Variants in RALGPS1 observed in about 807,000 individuals in gnomAD.
The protein encoded by RALGPS1 is ras-specific guanine nucleotide-releasing factor RalGPS1.
In RALGPS1, 19 loss-of-function variants were observed where a neutral mutation model predicts 78.8. The observed-to-expected ratio is 0.24, with a 90% confidence interval of 0.17 to 0.35. The LOEUF is 0.35. Among genes scored for constraint, RALGPS1 ranks in the 10% least tolerant of loss-of-function variants. The pLI, the probability that RALGPS1 is intolerant of heterozygous loss-of-function variation, is 1.00. For synonymous variants in RALGPS1, 228 were observed against 256.3 expected, an observed-to-expected ratio of 0.89 and a Z score of 1.06; for missense variants, 454 against 688.3, an observed-to-expected ratio of 0.66 and a Z score of 3.81.
chr9:127,054,415 T>C (rs181300586), intron 7 of RALGPS1, among the ~76,000 whole-genome samples: 10 of 152,256 alleles, frequency 6.6e-5, no homozygotes, highest in Admixed American at 5.2e-4. Context: ...CTCTCAACAA[T>C]CCCTATAAGC....
At chr9:126,957,054 T>A (rs1413819566) in intron 1 of RALGPS1, among the ~76,000 whole-genome samples, 1 of 152,208 alleles carries the variant, frequency 6.6e-6, no homozygotes. Flanking sequence ...TTCCCTGAAG[T>A]CTGTAGTCTT....
At chr9:127,046,616 A>G (rs1341970326) in intron 5 of RALGPS1, among the ~76,000 whole-genome samples, 2 of 151,092 alleles carry the variant, frequency 1.3e-5, no homozygotes, top group East Asian at 1.9e-4. Context: ...AAGAGCTTTT[A>G]TCAATCAATA....
intron 8 of RALGPS1, among the ~76,000 whole-genome samples, chr9:127,072,625 CAT>C (rs1343502407): frequency 5.9e-5 from 9 of 152,128 alleles, no homozygotes; most frequent in African/African-American, 2.2e-4. Context: ...GGTTTTTATA[CAT>C]GTTTCATGGT....
chr9:127,111,658 C>G (rs1722223660), intron 8 of RALGPS1, among the ~76,000 whole-genome samples: 1 of 152,202 alleles, frequency 6.6e-6, no homozygotes, highest in South Asian at 2.1e-4. Context: ...TGACCCTGGA[C>G]TAAACATTTT....
In RALGPS1 at chr9:127,069,274, C is replaced by T. The variant is rs1387389221; in HGVS notation, c.528C>T (p.Tyr176=). ...KDKTTFEKLD[Y]LMSKEDNYKR... ...AGACTACCTTTGAGAAATTGGACTACCTGATGTCGAAAGAAGATAATTACA... is the reference window on the plus strand; with the variant it reads ...AGACTACCTTTGAGAAATTGGACTATCTGATGTCGAAAGAAGATAATTACA... Residue 176 remains tyrosine, a synonymous_variant, in exon 8 of 19, where the codon TAC becomes TAT. Transcript: ENST00000259351. The T allele has an allele frequency of 1.2e-6, 2 of 1,612,770 alleles. No individual in the cohort carries two copies. Among genetic ancestry groups the T allele is most frequent in the Middle Eastern group, 1.7e-4 (1 of 6,060 alleles).
At chr9:127,167,810 C>T (rs1019936151) in intron 9 of RALGPS1, among the ~76,000 whole-genome samples, 1 of 152,212 alleles carries the variant, frequency 6.6e-6, no homozygotes, top group African/African-American at 2.4e-5. Flanking sequence ...TCTTCACGAC[C>T]TCCTCTACTC....
At chr9:127,147,467 A>G (rs1382769499) in intron 8 of RALGPS1, among the ~76,000 whole-genome samples, 1 of 152,212 alleles carries the variant, frequency 6.6e-6, no homozygotes, top group East Asian at 1.9e-4. Flanking sequence ...GACGTCAAGA[A>G]GAGTATTTCC....
intron 8 of RALGPS1, among the ~76,000 whole-genome samples, chr9:127,092,413 C>T (rs2052594764): frequency 6.6e-6 from 1 of 152,082 alleles, no homozygotes; most frequent in Non-Finnish European, 1.5e-5. Context: ...TCCACCGGCG[C>T]TCCCCTCTAG....
chr9:126,998,616 C>T (rs1285360437), intron 4 of RALGPS1, among the ~76,000 whole-genome samples: 1 of 152,160 alleles, frequency 6.6e-6, no homozygotes, highest in Non-Finnish European at 1.5e-5. Flanking sequence ...GTGGCAATTC[C>T]TCAGGGATCT....
intron 1 of RALGPS1, among the ~76,000 whole-genome samples, chr9:126,934,603 A>G (rs1290038958): frequency 6.6e-6 from 1 of 152,158 alleles, no homozygotes; most frequent in African/African-American, 2.4e-5. Context: ...GGGATGTGTT[A>G]GGGGCTTCTT....
intron 8 of RALGPS1, among the ~76,000 whole-genome samples, chr9:127,073,486 G>GTGTGTGTGTGTA (rs1194404856): frequency 6.6e-6 from 1 of 151,780 alleles, no homozygotes; most frequent in African/African-American, 2.4e-5. Flanking sequence ...GTGTGTGTGT[G>GTGTGTGTGTGTA]TATAATATTT....
chr9:126,961,877 G>A (rs1204287899), intron 1 of RALGPS1, among the ~76,000 whole-genome samples: 2 of 152,142 alleles, frequency 1.3e-5, no homozygotes, highest in African/African-American at 4.8e-5. Flanking sequence ...AGCTAACTGG[G>A]GACTCAAAGG....
intron 8 of RALGPS1, among the ~76,000 whole-genome samples, chr9:127,079,106 C>T (rs954029388): frequency 6.6e-5 from 10 of 152,282 alleles, no homozygotes; most frequent in Non-Finnish European, 1.3e-4. Flanking sequence ...AGGCCTTTAA[C>T]CTCTGGGTAA....
At chr9:127,121,860 G>T (rs1046003376) in intron 8 of RALGPS1, among the ~76,000 whole-genome samples, 1 of 152,200 alleles carries the variant, frequency 6.6e-6, no homozygotes, top group Non-Finnish European at 1.5e-5. Context: ...CACAGCGCTT[G>T]CCTTTGCCTC....
chr9:127,066,982 G>A (rs910056207), intron 7 of RALGPS1, among the ~76,000 whole-genome samples: 10 of 152,024 alleles, frequency 6.6e-5, no homozygotes, highest in African/African-American at 2.2e-4. Context: ...TGGGTTATCA[G>A]TCTCTGTTTA....
intron 8 of RALGPS1, among the ~76,000 whole-genome samples, chr9:127,104,418 C>T (rs2054025290): frequency 6.6e-6 from 1 of 152,250 alleles, no homozygotes; most frequent in South Asian, 2.1e-4. Flanking sequence ...AGAATGACCC[C>T]TGGAGCCTTC....
At chr9:127,026,833 T>G (rs73668462) in intron 4 of RALGPS1, among the ~76,000 whole-genome samples, 8,105 of 140,276 alleles carry the variant, frequency 0.058, 257 homozygotes, top group Middle Eastern at 0.079. Flanking sequence ...GGGACTGGCA[T>G]GCAGGGTGCA....
chr9:126,969,578 T>TAGC (rs1328744154), intron 3 of RALGPS1, among the ~76,000 whole-genome samples: 1 of 152,250 alleles, frequency 6.6e-6, no homozygotes, highest in African/African-American at 2.4e-5. Context: ...GCCAGTGGCC[T>TAGC]AGCTTCTATG....
intron 14 of RALGPS1, among the ~76,000 whole-genome samples, chr9:127,199,627 C>T (rs1223478898): frequency 6.6e-6 from 1 of 152,108 alleles, no homozygotes; most frequent in Non-Finnish European, 1.5e-5. Context: ...GTTTGGCTCC[C>T]TGGGAGAGCC....
Sources: gnomAD v4.1 joint callset for allele counts (sites outside exome capture counted in the v4.1 genomes callset) on GRCh38, gnomAD v4.1.1 for gene constraint, MANE v1.5 for transcripts, NCBI Gene and HGNC (gene_info 2026-07-23, HGNC 2026-07-21) for gene names.